The following CLNK variants were observed in gnomAD, a reference collection of about 807,000 sequenced individuals.
The protein encoded by CLNK is cytokine-dependent hematopoietic cell linker.
A neutral mutation model predicts 68.6 loss-of-function variants in CLNK; 74 were observed. That is an observed-to-expected ratio of 1.08 (90% CI 0.89 to 1.31). The LOEUF (loss-of-function observed/expected upper bound fraction) is 1.31, where lower values mean the gene tolerates loss of function less well. Ranked by LOEUF, CLNK falls within the 50% of genes most tolerant of loss-of-function variation. The pLI is 0.00. For synonymous variants in CLNK, 198 were observed against 172.2 expected (o/e 1.15, Z -1.17); for missense variants, 553 against 515.3 (o/e 1.07, Z -0.71).
At chr4:10,699,749 G>A in the CLNK span, among the ~76,000 whole-genome samples, 1 of 151,240 alleles carries the variant, frequency 6.6e-6, no homozygotes, top group Non-Finnish European at 1.5e-5. Context: ...CCTGACCTCA[G>A]ATGATCCATC....
At chr4:10,621,664 G>A (rs977052743) in intron 2 of CLNK, among the ~76,000 whole-genome samples, 15 of 152,182 alleles carry the variant, frequency 9.9e-5, no homozygotes, top group South Asian at 6.2e-4. Context: ...GTCCCTCCAG[G>A]ATGACATTAG....
At position 10,490,627 on chromosome 4, in the gene CLNK, A is replaced by G. The variant is rs768436201; in HGVS notation, c.1141-14T>C. On this transcript the variant is annotated splice_polypyrimidine_tract_variant and intron_variant, in intron 18 of 18. Transcript: ENST00000226951. The stretch of plus-strand genomic sequence containing the variant: ...TGAATCAAACTTCTGAAACACAGAA[A>G]AGAAAGTTAATGACTTTTAAAATAT... 1.0e-5 allele frequency: 16 copies of G among 1,552,772 alleles called. No individual in the cohort carries two copies. Among genetic ancestry groups the G allele is most frequent in the Non-Finnish European group, 1.2e-5 (14 of 1,146,872 alleles).
chr4:10,581,689 G>T (rs1720790206), intron 4 of CLNK, among the ~76,000 whole-genome samples: 3 of 151,490 alleles, frequency 2.0e-5, no homozygotes, highest in Admixed American at 6.6e-5. Flanking sequence ...CCTAAAGCTG[G>T]TTATATGGAG....
chr4:10,630,787 G>T (rs1295286908), intron 2 of CLNK, among the ~76,000 whole-genome samples: 1 of 152,168 alleles, frequency 6.6e-6, no homozygotes, highest in Non-Finnish European at 1.5e-5. Context: ...ACTTACCACA[G>T]CCTGGTCACT....
chr4:10,588,236 C>A (rs773031264), intron 3 of CLNK, among the ~76,000 whole-genome samples: 5 of 152,160 alleles, frequency 3.3e-5, no homozygotes, highest in African/African-American at 1.2e-4. Flanking sequence ...AAAGGCAAAC[C>A]GTTCCTGAGA....
intron 16 of CLNK, among the ~76,000 whole-genome samples, chr4:10,511,664 G>T (rs1296839455): frequency 2.6e-5 from 4 of 152,122 alleles, no homozygotes; most frequent in African/African-American, 4.8e-5. Context: ...TGTTTTCAAG[G>T]TTCTTGTATA....
intron 8 of CLNK, among the ~76,000 whole-genome samples, chr4:10,545,281 C>A (rs1348092375): frequency 3.3e-5 from 5 of 152,142 alleles, no homozygotes; most frequent in African/African-American, 1.2e-4. Context: ...GTGGGGCAAG[C>A]ATAAGGTACA....
chr4:10,548,203 G>A (rs1468792528), intron 8 of CLNK, among the ~76,000 whole-genome samples: 2 of 152,136 alleles, frequency 1.3e-5, no homozygotes, highest in African/African-American at 4.8e-5. Flanking sequence ...CCTAAGAGGT[G>A]TGAGGTGATA....
the CLNK span, among the ~76,000 whole-genome samples, chr4:10,692,679 C>T: frequency 6.6e-6 from 1 of 152,162 alleles, no homozygotes; most frequent in South Asian, 2.1e-4. Flanking sequence ...GGGGTTTTGT[C>T]TCACTTGAAA....
intron 13 of CLNK, among the ~76,000 whole-genome samples, chr4:10,527,585 C>G (rs912080711): frequency 6.6e-6 from 1 of 152,214 alleles, no homozygotes; most frequent in Non-Finnish European, 1.5e-5. Context: ...TATGAAAGTA[C>G]TACCTGCTTA....
At chr4:10,702,750 C>G in the CLNK span, among the ~76,000 whole-genome samples, 2 of 152,130 alleles carry the variant, frequency 1.3e-5, no homozygotes, top group Admixed American at 1.3e-4. Context: ...AAGTTATCAG[C>G]CTTAAATGAA....
At chr4:10,687,013 C>G (rs6827843), upstream of CLNK, among the ~76,000 whole-genome samples, 1 of 151,824 alleles carries the variant, frequency 6.6e-6, no homozygotes, top group East Asian at 1.9e-4. Flanking sequence ...GATATACCTA[C>G]TCCTTTGATG....
chr4:10,613,215 G>A (rs1197219748), intron 2 of CLNK, among the ~76,000 whole-genome samples: 1 of 152,156 alleles, frequency 6.6e-6, no homozygotes, highest in Non-Finnish European at 1.5e-5. Flanking sequence ...TGCTCTGGAA[G>A]GACTGTAGAG....
rs372777082 is a variant in CLNK at position 10,560,405 on chromosome 4, C to A, written c.400-1953G>T. 5.9e-5 allele frequency among the ~76,000 whole-genome samples: 9 copies of A among 152,154 alleles called. No homozygotes were observed. In the East Asian group the frequency reaches 1.5e-3, roughly 26 times the overall value. On this transcript the variant is annotated intron_variant, in intron 7 of 18. Coordinates refer to ENST00000226951, the MANE Select transcript of CLNK (RefSeq NM_052964.4). ...GGCCTTTGTAAAAATTATTGAAGATCCATTTCTTTTTTTCTTTCTTTTTAT... is the reference window on the plus strand; with the variant it reads ...GGCCTTTGTAAAAATTATTGAAGATACATTTCTTTTTTTCTTTCTTTTTAT...
intron 2 of CLNK, among the ~76,000 whole-genome samples, chr4:10,650,704 T>C (rs1423041951): frequency 5.9e-5 from 9 of 152,168 alleles, no homozygotes; most frequent in Non-Finnish European, 1.5e-5. Flanking sequence ...TCTTACTATA[T>C]GCTTTCATTT....
intron 2 of CLNK, among the ~76,000 whole-genome samples, chr4:10,636,655 A>G (rs1723104285): frequency 6.6e-6 from 1 of 152,206 alleles, no homozygotes; most frequent in Non-Finnish European, 1.5e-5. Context: ...GCAGCACGCC[A>G]AGGCATGGAG....
intron 3 of CLNK, 91 bp from the exon 4 acceptor site, chr4:10,585,046 T>C (rs1720920773): frequency 7.2e-7 from 1 of 1,384,754 alleles, no homozygotes; most frequent in South Asian, 1.2e-5. Context: ...TCAAACGTCA[T>C]TGTACAAGTC....
At chr4:10,686,913 T>C (rs561799752), upstream of CLNK, among the ~76,000 whole-genome samples, 4 of 152,166 alleles carry the variant, frequency 2.6e-5, no homozygotes, top group Non-Finnish European at 4.4e-5. Flanking sequence ...GCTTTTTTTC[T>C]TGGAATATCA....
At chr4:10,594,684 C>T (rs891825244) in intron 3 of CLNK, among the ~76,000 whole-genome samples, 1 of 152,188 alleles carries the variant, frequency 6.6e-6, no homozygotes, top group African/African-American at 2.4e-5. Context: ...TTGACAGGAG[C>T]AGATTAGTGA....
Sources: allele counts gnomAD v4.1 joint callset (sites outside exome capture counted in the v4.1 genomes callset), GRCh38; gene constraint gnomAD v4.1.1; transcripts MANE v1.5; gene names NCBI Gene and HGNC (gene_info 2026-07-23, HGNC 2026-07-21).